PWWP3A: variants seen among roughly 807,000 people sequenced by gnomAD.
PWWP3A encodes the protein PWWP domain containing 3A, DNA repair factor.
In PWWP3A, 53 loss-of-function variants were observed where a neutral mutation model predicts 79.0. The observed-to-expected ratio is 0.67, with a 90% CI of 0.54 to 0.84. The LOEUF (loss-of-function observed/expected upper bound fraction) is 0.84. Ranked by LOEUF, PWWP3A falls within the 40% of genes least tolerant of loss-of-function variation. The pLI is 0.00. For synonymous variants in PWWP3A, 443 were observed against 394.4 expected (o/e 1.12, Z -1.46); for missense variants, 973 against 948.0 (o/e 1.03, Z -0.35).
Position 1,358,550 on chromosome 19 carries a change from A to C in PWWP3A, c.214+86A>C, listed in dbSNP as rs1204659539. On this transcript the variant is annotated intron_variant, in intron 4 of 13. Coordinates refer to ENST00000591337, the MANE Select transcript of PWWP3A (RefSeq NM_001369789.1). ...ATGTGAAGGCTCAGCTTTCTGGGTAAAAATTCACCCTGTTCACCATGTTTT... is the reference window on the plus strand; with the variant it reads ...ATGTGAAGGCTCAGCTTTCTGGGTACAAATTCACCCTGTTCACCATGTTTT... The C allele has an allele frequency of 1.9e-6, 3 of 1,604,284 alleles. No homozygotes were observed. The African/African-American group carries it at 4.0e-5, about 21-fold the overall frequency.
rs964695315 is a variant in PWWP3A, at chr19:1,369,717, C to T, written c.1549+71C>T. 2 of 1,537,900 alleles carry T rather than the reference C, an allele frequency of 1.3e-6. No homozygotes were observed. Among genetic ancestry groups the T allele is most frequent in the Non-Finnish European group, 1.8e-6 (2 of 1,110,750 alleles). ...CCTTTAGAAAAACAATCTTCTATGTCTGAAGCTGTGGAAGGGGACGTTGGG... is the reference window on the plus strand; with the variant it reads ...CCTTTAGAAAAACAATCTTCTATGTTTGAAGCTGTGGAAGGGGACGTTGGG... On this transcript the variant is annotated intron_variant, in intron 11 of 13. Transcript: ENST00000591337. The surrounding 1 kb of genome is among the most constrained non-coding windows in gnomAD (Gnocchi z 4.0).
intron 1 of PWWP3A, 41 bp from the exon 2 acceptor site, chr19:1,356,283 A>G (rs1490177782): frequency 3.7e-6 from 4 of 1,069,196 alleles, no homozygotes; most frequent in Non-Finnish European, 5.7e-6. Flanking sequence ...TAACATCGCC[A>G]GCAAACAGTT....
rs1600100563 is a variant in PWWP3A at position 1,360,014 on chromosome 19, T to G, written c.215-122T>G. On this transcript the variant is annotated intron_variant, in intron 4 of 13. Transcript: ENST00000591337. This position sits in a 1 kb window ranked among gnomAD's most constrained non-coding sequence, Gnocchi z 4.4. ...TAGGTGAGAAATGTTAGTCCTCCCC[T>G]TCAGTGATTTAGGTATGAAACTAGC... 1.3e-5 allele frequency: 13 copies of G among 973,874 alleles called. No homozygotes were observed. In the South Asian group the frequency reaches 3.0e-4, roughly 22 times the overall value. 60.3% of individuals were successfully genotyped at this position (973,874 alleles called of 1,614,324 possible).
chr19:1,356,587 C>G (rs969085026), intron 2 of PWWP3A, 138 bp downstream of exon 2: 2 of 769,408 alleles, frequency 2.6e-6, no homozygotes, highest in South Asian at 3.6e-5. Flanking sequence ...TTCTCGTTCC[C>G]CATTTAATGG....
intron 8 of PWWP3A, 53 bp downstream of exon 8, chr19:1,366,434 G>A (rs2082130723): frequency 2.0e-6 from 3 of 1,521,316 alleles, no homozygotes; most frequent in Admixed American, 1.7e-5. Context: ...CAGGCCGGCC[G>A]CTCTCAGAGT....
chr19:1,373,494 C>T, intron 13 of PWWP3A: 1 of 314,156 alleles, frequency 3.2e-6, no homozygotes, highest in South Asian at 4.5e-5. Context: ...AGCCCCATGG[C>T]TGTGTGAGAA....
chr19:1,375,787 C>T (rs1289155380), intron 13 of PWWP3A, among the ~76,000 whole-genome samples: 3 of 112,394 alleles, frequency 2.7e-5, no homozygotes, highest in African/African-American at 6.3e-5. Flanking sequence ...TAGACATACA[C>T]ACACACACAT....
intron 3 of PWWP3A, 101 bp downstream of exon 3, chr19:1,357,195 A>G (rs2081892805): frequency 1.3e-6 from 1 of 794,686 alleles, no homozygotes; most frequent in Non-Finnish European, 2.1e-6. Flanking sequence ...CCCACTCTTA[A>G]TGGGCTTATT....
chr19:1,364,357 A>G, intron 6 of PWWP3A, 152 bp from the exon 7 acceptor site: 2 of 676,396 alleles, frequency 3.0e-6, no homozygotes, highest in South Asian at 1.7e-5. Flanking sequence ...TCTGCCTTTC[A>G]GATTCTCCTG....
At chr19:1,367,368 C>T (rs1278574407) in intron 9 of PWWP3A, 148 bp downstream of exon 9, 10 of 682,964 alleles carry the variant, frequency 1.5e-5, no homozygotes, top group Admixed American at 3.0e-5. Flanking sequence ...GCGCTCTGGC[C>T]GTTAGAGTTA....
Position 1,371,029 on chromosome 19 carries a change from G to C in PWWP3A, c.1937G>C (p.Arg646Pro). 1 of 1,574,440 alleles carries C rather than the reference G, an allele frequency of 6.4e-7. No individual in the cohort carries two copies. Among genetic ancestry groups the C allele is most frequent in the Non-Finnish European group, 8.6e-7 (1 of 1,159,808 alleles). The change falls in exon 12 of 14, where the codon CGC (arginine) becomes CCC (proline). Residue 646 changes from arginine to proline, a missense_variant. Coordinates refer to ENST00000591337, the MANE Select transcript of PWWP3A (RefSeq NM_001369789.1). ...YQEVGAKVLQ[R>P]TNGDRIRFIL... ...GAGGTGGGGGCCAAGGTGCTCCAGCGCACCAACGGCGACCGGATCCGGTTC... is the reference window on the plus strand; with the variant it reads ...GAGGTGGGGGCCAAGGTGCTCCAGCCCACCAACGGCGACCGGATCCGGTTC...
intron 8 of PWWP3A, among the ~76,000 whole-genome samples, chr19:1,366,894 C>T (rs1041481866): frequency 6.6e-6 from 1 of 152,184 alleles, no homozygotes; most frequent in Admixed American, 6.5e-5. Flanking sequence ...GTGCTGCCCC[C>T]GAGGGGTGGG....
intron 1 of PWWP3A, among the ~76,000 whole-genome samples, 198 bp from the exon 2 acceptor site, chr19:1,356,126 A>G (rs1291282526): frequency 2.0e-5 from 3 of 152,190 alleles, no homozygotes; most frequent in African/African-American, 7.2e-5. Flanking sequence ...GAAAAAATGC[A>G]GGCGCCTCCC....
chr19:1,375,702 A>T (rs1447674796), intron 13 of PWWP3A, among the ~76,000 whole-genome samples: 2 of 118,070 alleles, frequency 1.7e-5, no homozygotes, highest in Admixed American at 1.9e-4. Context: ...AAACAATTTA[A>T]TATATAATAT....
At chr19:1,358,348 T>G in intron 3 of PWWP3A, 46 bp from the exon 4 acceptor site, 1 of 1,494,248 alleles carries the variant, frequency 6.7e-7, no homozygotes, top group Non-Finnish European at 9.3e-7. Context: ...GAAAATGTCT[T>G]GGCGGCGTTG....
intron 13 of PWWP3A, among the ~76,000 whole-genome samples, chr19:1,375,109 G>A (rs886740890): frequency 6.6e-6 from 1 of 150,672 alleles, no homozygotes; most frequent in Admixed American, 6.6e-5. Flanking sequence ...GTCAGTCCCA[G>A]CTACTCAGCA....
At position 1,360,355 on chromosome 19, in the gene PWWP3A, G is replaced by T; in HGVS notation, c.434G>T (p.Gly145Val). 6.2e-7 allele frequency: 1 copy of T among 1,614,170 alleles called. No individual in the cohort carries two copies. Among genetic ancestry groups the T allele is most frequent in the Non-Finnish European group, 8.5e-7 (1 of 1,180,048 alleles). ...TCTCTTCCCCGCGGAGACGTGTTGG[G>T]CAGTTCCAGACCTCACAGGAGGAGG... ...SSSLPRGDVL[G>V]SSRPHRRRPC... The change falls in exon 5 of 14, where the codon GGC (glycine) becomes GTC (valine). Residue 145 changes from glycine (G) to valine (V), a missense_variant. By Grantham distance (109) the Gly-to-Val change is moderately radical. Transcript: ENST00000591337. This position sits in a 1 kb window ranked among gnomAD's most constrained non-coding sequence, Gnocchi z 4.4.
intron 12 of PWWP3A, among the ~76,000 whole-genome samples, chr19:1,371,909 G>A (rs927680474): frequency 2.0e-5 from 3 of 148,008 alleles, no homozygotes; most frequent in African/African-American, 7.5e-5. Flanking sequence ...CCAGGTTCAC[G>A]CCATTCTCTT....
intron 5 of PWWP3A, 72 bp from the exon 6 acceptor site, chr19:1,362,178 G>C: frequency 7.6e-7 from 1 of 1,319,078 alleles, no homozygotes; most frequent in Non-Finnish European, 1.1e-6. Flanking sequence ...CATGTGTCAT[G>C]AAATGTTTTC....
Sources: allele counts gnomAD v4.1 joint callset (sites outside exome capture counted in the v4.1 genomes callset), GRCh38; gene constraint gnomAD v4.1.1; non-coding constraint Gnocchi (gnomAD v3.1); transcripts MANE v1.5; gene names NCBI Gene and HGNC (gene_info 2026-07-23, HGNC 2026-07-21).